The following L3MBTL4 variants were observed in gnomAD, a reference collection of about 807,000 sequenced individuals.
L3MBTL4 encodes the protein L3MBTL histone methyl-lysine binding protein 4.
L3MBTL4 carries 70 observed loss-of-function variants against 84.5 expected under a neutral mutation model. That is an observed-to-expected ratio of 0.83 (90% confidence interval 0.68 to 1.01). The LOEUF (loss-of-function observed/expected upper bound fraction) is 1.01, where lower values mean the gene tolerates loss of function less well. Among genes scored for constraint, L3MBTL4 ranks in the 50% least tolerant of loss-of-function variants. The probability of loss-of-function intolerance (pLI) is 0.00; values close to 1 mark genes in which losing one functional copy is unlikely to be tolerated. For synonymous variants in L3MBTL4, 274 were observed against 259.8 expected (o/e 1.05, Z -0.52); for missense variants, 715 against 754.8 (o/e 0.95, Z 0.62).
intron 15 of L3MBTL4, among the ~76,000 whole-genome samples, chr18:6,090,815 T>G (rs891836086): frequency 6.6e-6 from 1 of 151,038 alleles, no homozygotes; most frequent in African/African-American, 2.4e-5. Context: ...TTGTATTTTT[T>G]GTAGAGATGG....
chr18:6,216,940 T>A (rs2046351633), intron 10 of L3MBTL4, among the ~76,000 whole-genome samples: 1 of 152,184 alleles, frequency 6.6e-6, no homozygotes, highest in African/African-American at 2.4e-5. Context: ...GAGTCAACAA[T>A]TTTTAAAAAA....
chr18:6,113,106 C>A (rs1314161349), intron 14 of L3MBTL4, among the ~76,000 whole-genome samples: 1 of 152,096 alleles, frequency 6.6e-6, no homozygotes, highest in Non-Finnish European at 1.5e-5. Context: ...TTGTATACTG[C>A]ATCTTTCACT....
intron 1 of L3MBTL4, among the ~76,000 whole-genome samples, chr18:6,402,886 A>G (rs1368946786): frequency 6.6e-6 from 1 of 152,258 alleles, no homozygotes; most frequent in Non-Finnish European, 1.5e-5. Flanking sequence ...TTTGCCCTTC[A>G]GCAAACCCTC....
chr18:6,323,351 C>T (rs1599637536), intron 1 of L3MBTL4, among the ~76,000 whole-genome samples: 1 of 152,148 alleles, frequency 6.6e-6, no homozygotes, highest in African/African-American at 2.4e-5. Context: ...GTCTAGGGGG[C>T]TCAGAAGAAG....
At chr18:6,337,988 A>G (rs1299729645) in intron 1 of L3MBTL4, among the ~76,000 whole-genome samples, 2 of 152,118 alleles carry the variant, frequency 1.3e-5, no homozygotes, top group Non-Finnish European at 2.9e-5. Context: ...CCATAAGACA[A>G]TAGAATGGCC....
intron 16 of L3MBTL4, among the ~76,000 whole-genome samples, chr18:6,032,458 C>T (rs1232051528): frequency 6.6e-6 from 1 of 151,380 alleles, no homozygotes; most frequent in Non-Finnish European, 1.5e-5. Flanking sequence ...GCAGAACTGA[C>T]CACGGGTTGT....
intron 12 of L3MBTL4, among the ~76,000 whole-genome samples, chr18:6,207,021 GACCCTTATTACC>G (rs1302277816): frequency 6.6e-6 from 1 of 152,138 alleles, no homozygotes; most frequent in Non-Finnish European, 1.5e-5. Flanking sequence ...AGGCCAAAAA[GACCCTTATTACC>G]ACCTGTTTCT....
intron 1 of L3MBTL4, among the ~76,000 whole-genome samples, chr18:6,373,073 T>C (rs2054222498): frequency 6.6e-6 from 1 of 152,178 alleles, no homozygotes; most frequent in Admixed American, 6.5e-5. Context: ...TCATTAAATG[T>C]TATGTTAATA....
intron 10 of L3MBTL4, among the ~76,000 whole-genome samples, chr18:6,230,859 G>C (rs184582432): frequency 3.9e-5 from 6 of 151,950 alleles, no homozygotes; most frequent in Admixed American, 3.3e-4. Flanking sequence ...ATTTTCATAT[G>C]CTTGTCAGCT....
At chr18:6,138,163 C>T in intron 14 of L3MBTL4, 31 bp downstream of exon 14, 1 of 1,442,688 alleles carries the variant, frequency 6.9e-7, no homozygotes, top group Non-Finnish European at 9.7e-7. Context: ...TCCATTCATC[C>T]AGGAAATAAC....
chr18:5,965,092 C>G (rs1164118706), intron 17 of L3MBTL4, among the ~76,000 whole-genome samples: 1 of 152,200 alleles, frequency 6.6e-6, no homozygotes, highest in African/African-American at 2.4e-5. Flanking sequence ...CCACACACAT[C>G]CCTCACCAAA....
intron 14 of L3MBTL4, among the ~76,000 whole-genome samples, chr18:6,102,103 A>G (rs1347095174): frequency 6.6e-6 from 1 of 152,208 alleles, no homozygotes; most frequent in Non-Finnish European, 1.5e-5. Flanking sequence ...CTTCTCTACT[A>G]TAACTAAATT....
intron 1 of L3MBTL4, among the ~76,000 whole-genome samples, chr18:6,382,026 A>G (rs940385397): frequency 6.6e-6 from 1 of 152,106 alleles, no homozygotes; most frequent in African/African-American, 2.4e-5. Context: ...GGCTTTGTTC[A>G]TTCCTTTTTA....
chr18:6,199,688 G>A (rs769086149), intron 12 of L3MBTL4, among the ~76,000 whole-genome samples: 2 of 152,202 alleles, frequency 1.3e-5, no homozygotes, highest in African/African-American at 2.4e-5. Flanking sequence ...AATCTGAAGG[G>A]TAAGGGAGAA....
At chr18:6,220,247 C>T (rs897536313) in intron 10 of L3MBTL4, among the ~76,000 whole-genome samples, 1 of 152,024 alleles carries the variant, frequency 6.6e-6, no homozygotes, top group Non-Finnish European at 1.5e-5. Flanking sequence ...ATGGCTTCCT[C>T]GATTACACAG....
intron 12 of L3MBTL4, among the ~76,000 whole-genome samples, chr18:6,191,325 C>T (rs1568288055): frequency 6.6e-6 from 1 of 151,972 alleles, no homozygotes; most frequent in African/African-American, 2.4e-5. Context: ...CTGTACACAT[C>T]TCAAAGCTGT....
At chr18:6,150,424 TACACAC>T (rs111558666) in intron 13 of L3MBTL4, among the ~76,000 whole-genome samples, 1 of 149,316 alleles carries the variant, frequency 6.7e-6, no homozygotes, top group Non-Finnish European at 1.5e-5. Context: ...TGTTTGAGAA[TACACAC>T]ACACACACAC....
At chr18:6,106,379 A>G (rs936134595) in intron 14 of L3MBTL4, among the ~76,000 whole-genome samples, 9 of 152,248 alleles carry the variant, frequency 5.9e-5, no homozygotes, top group African/African-American at 2.2e-4. Flanking sequence ...GAGAAGAATG[A>G]GTAGGGAACA....
intron 16 of L3MBTL4, among the ~76,000 whole-genome samples, chr18:5,987,454 G>C (rs896021801): frequency 7.9e-5 from 12 of 152,202 alleles, no homozygotes; most frequent in Non-Finnish European, 1.6e-4. Context: ...GCCACGTGTG[G>C]ATGCACTCAA....
Sources: gnomAD v4.1 joint callset for allele counts (sites outside exome capture counted in the v4.1 genomes callset) on GRCh38, gnomAD v4.1.1 for gene constraint, MANE v1.5 for transcripts, NCBI Gene and HGNC (gene_info 2026-07-23, HGNC 2026-07-21) for gene names.